Variants in GLT1D1 observed in about 807,000 individuals in gnomAD.
GLT1D1 encodes the protein glycosyltransferase 1 domain-containing protein 1.
Under a neutral mutation model 28.7 loss-of-function variants are expected in GLT1D1, and 21 were observed. That is an observed-to-expected ratio of 0.73 (90% confidence interval 0.52 to 1.05). The LOEUF is 1.05. GLT1D1 is among the 50% of genes least tolerant of loss of function. GLT1D1 has a pLI of 0.00. For synonymous variants in GLT1D1, 147 were observed against 124.8 expected, an observed-to-expected ratio of 1.18 and a Z score of -1.19; for missense variants, 343 against 330.6, an observed-to-expected ratio of 1.04 and a Z score of -0.29.
chr12:128,944,552 T>C, intron 4 of GLT1D1: 3 of 779,380 alleles, frequency 3.8e-6, no homozygotes, highest in Non-Finnish European at 4.7e-6. Context: ...ACTTGGCCAT[T>C]GGTGAGATGA....
At chr12:128,874,029 C>G (rs1404564175) in intron 1 of GLT1D1, among the ~76,000 whole-genome samples, 1 of 84,462 alleles carries the variant, frequency 1.2e-5, no homozygotes, top group Non-Finnish European at 2.2e-5. Flanking sequence ...CCCTTCCTCC[C>G]TCCCTCCCTC....
intron 2 of GLT1D1, among the ~76,000 whole-genome samples, chr12:128,879,764 G>A (rs1248226440): frequency 2.6e-5 from 4 of 152,048 alleles, no homozygotes; most frequent in African/African-American, 9.7e-5. Context: ...GCCGGCCCCT[G>A]TTATTTCTTT....
chr12:128,862,686 A>AT (rs1202526615), intron 1 of GLT1D1, among the ~76,000 whole-genome samples: 1 of 152,164 alleles, frequency 6.6e-6, no homozygotes, highest in Non-Finnish European at 1.5e-5. Context: ...TTCAGCAGAT[A>AT]TTTTTTGAGC....
At chr12:128,938,735 G>A (rs116413844) in intron 4 of GLT1D1, among the ~76,000 whole-genome samples, 149 of 152,330 alleles carry the variant, frequency 9.8e-4, no homozygotes, top group African/African-American at 3.5e-3. Flanking sequence ...AGGAGTAGCA[G>A]CTGGGAAGAA....
Position 128,853,499 on chromosome 12 carries a change from C to T in GLT1D1, c.-83C>T, listed in dbSNP as rs1407494037. 3 of 979,374 alleles carry T rather than the reference C, an allele frequency of 3.1e-6. No individual in the cohort carries two copies. The highest frequency in any genetic ancestry group is 9.2e-5 in the South Asian group (2 of 21,796). 60.7% of individuals were successfully genotyped at this position (979,374 alleles called of 1,614,324 possible). ...CGGGACAGACCCAGCCGCCCCGGCT[C>T]CCCCGCCGTCCGCGTCTGCGCCGGC... On this transcript the variant is annotated 5_prime_UTR_variant, in exon 1 of 8. Coordinates refer to ENST00000281703, the MANE Select transcript of GLT1D1 (RefSeq NM_144669.3).
intron 4 of GLT1D1, among the ~76,000 whole-genome samples, chr12:128,908,927 C>G (rs750969516): frequency 6.6e-6 from 1 of 151,726 alleles, no homozygotes; most frequent in Non-Finnish European, 1.5e-5. Context: ...CCAGCCTGGG[C>G]GACAGAGCGA....
chr12:128,953,807 G>A (rs951644018), intron 6 of GLT1D1, among the ~76,000 whole-genome samples: 19 of 151,084 alleles, frequency 1.3e-4, no homozygotes, highest in South Asian at 8.4e-4. Flanking sequence ...GTGCAGTGAC[G>A]CAATCTCGGC....
chr12:128,873,179 A>G (rs989123474), intron 1 of GLT1D1, among the ~76,000 whole-genome samples: 4 of 152,120 alleles, frequency 2.6e-5, no homozygotes, highest in African/African-American at 9.7e-5. Flanking sequence ...TACAGGTGGG[A>G]GCCACTGCAC....
chr12:128,963,282 G>T (rs558262461), intron 7 of GLT1D1, among the ~76,000 whole-genome samples: 9 of 152,308 alleles, frequency 5.9e-5, no homozygotes, highest in Admixed American at 2.6e-4. Flanking sequence ...CCTGCTGTGG[G>T]TTTGGGAGTG....
rs997572316 is a variant in GLT1D1 at position 128,864,258 on chromosome 12, T to C, written c.68+10609T>C. 7.5e-6 allele frequency: 4 copies of C among 533,632 alleles called. No homozygotes were observed. The African/African-American group carries it at 7.9e-5, about 10-fold the overall frequency. 33.1% of individuals were successfully genotyped at this position (533,632 alleles called of 1,614,324 possible). On this transcript the variant is annotated intron_variant, in intron 1 of 7. Coordinates refer to ENST00000281703, the MANE Select transcript of GLT1D1 (RefSeq NM_144669.3). ...TCCGGGCTGAAGATGAGAAGCTGAGTGTGGGATGAAGTTTGCTTAGTCCTG... is the reference window on the plus strand; with the variant it reads ...TCCGGGCTGAAGATGAGAAGCTGAGCGTGGGATGAAGTTTGCTTAGTCCTG...
intron 7 of GLT1D1, among the ~76,000 whole-genome samples, chr12:128,958,605 A>AC (rs1877548916): frequency 6.7e-6 from 1 of 148,306 alleles, no homozygotes; most frequent in Non-Finnish European, 1.5e-5. Context: ...AAAAAAAAAA[A>AC]AGCTGGGAAT....
intron 7 of GLT1D1, among the ~76,000 whole-genome samples, chr12:128,964,993 T>G (rs1453789429): frequency 6.6e-6 from 1 of 152,126 alleles, no homozygotes; most frequent in Non-Finnish European, 1.5e-5. Flanking sequence ...GGAACTCAGA[T>G]GTAAGGAGCA....
chr12:128,966,240 G>T (rs1049326775), intron 7 of GLT1D1, among the ~76,000 whole-genome samples: 2 of 152,228 alleles, frequency 1.3e-5, no homozygotes, highest in African/African-American at 2.4e-5. Context: ...AGCTGAGAGG[G>T]CGTGCATACC....
At chr12:128,867,164 C>T (rs201917936) in intron 1 of GLT1D1, among the ~76,000 whole-genome samples, 114 of 151,000 alleles carry the variant, frequency 7.5e-4, no homozygotes, top group Non-Finnish European at 1.2e-3. Context: ...GAGGCCGAGG[C>T]GGGCGGATCA....
At position 128,892,832 on chromosome 12, in the gene GLT1D1, T is replaced by G. The variant is rs553855031; in HGVS notation, c.323+4088T>G. Among the ~76,000 whole-genome samples the G allele has an allele frequency of 3.3e-5, 5 of 152,286 alleles. No individual in the cohort carries two copies. The South Asian group carries it at 1.0e-3, about 32-fold the overall frequency. Reference sequence around the variant, plus strand: ...TTACCTTAGCTTCAGCTTTTTGGCTTATAAATATTATAATGTAATAAGTAC... The same window carrying G: ...TTACCTTAGCTTCAGCTTTTTGGCTGATAAATATTATAATGTAATAAGTAC... On this transcript the variant is annotated intron_variant, in intron 3 of 7. Coordinates refer to ENST00000281703, the MANE Select transcript of GLT1D1 (RefSeq NM_144669.3).
At chr12:128,946,448 G>A (rs932804607) in intron 5 of GLT1D1, among the ~76,000 whole-genome samples, 4 of 151,808 alleles carry the variant, frequency 2.6e-5, no homozygotes, top group Admixed American at 6.6e-5. Flanking sequence ...CTGGGTTCAC[G>A]CCATTCTCCT....
At chr12:128,952,594 G>C (rs992448019) in intron 6 of GLT1D1, among the ~76,000 whole-genome samples, 1 of 151,258 alleles carries the variant, frequency 6.6e-6, no homozygotes, top group African/African-American at 2.4e-5. Flanking sequence ...AGTCTCCCAG[G>C]TAACTGGGAT....
intron 2 of GLT1D1, among the ~76,000 whole-genome samples, chr12:128,887,161 CCCA>C (rs1337198237): frequency 1.3e-5 from 2 of 151,810 alleles, no homozygotes; most frequent in East Asian, 2.0e-4. Flanking sequence ...ACAGGTGTGC[CCCA>C]CCACACCTGG....
At chr12:128,881,176 A>G (rs1046775030) in intron 2 of GLT1D1, among the ~76,000 whole-genome samples, 3 of 139,500 alleles carry the variant, frequency 2.2e-5, no homozygotes, top group African/African-American at 5.3e-5. Flanking sequence ...GTGAGCCGAG[A>G]TCCTGCCACT....
Sources: gnomAD v4.1 joint callset for allele counts (sites outside exome capture counted in the v4.1 genomes callset) on GRCh38, gnomAD v4.1.1 for gene constraint, MANE v1.5 for transcripts, NCBI Gene and HGNC (gene_info 2026-07-23, HGNC 2026-07-21) for gene names.